The following FMN1 variants were observed in gnomAD, a reference collection of about 807,000 sequenced individuals.
FMN1 encodes formin 1.
In FMN1, 110 loss-of-function variants were observed where a neutral mutation model predicts 132.4. The ratio of observed to expected loss-of-function variants is 0.83; its 90% CI spans 0.71 to 0.97. The LOEUF (loss-of-function observed/expected upper bound fraction) is 0.97. Ranked by LOEUF, FMN1 falls within the 50% of genes least tolerant of loss-of-function variation. FMN1 has a pLI of 0.00. For missense variants in FMN1, 1,792 were observed against 1,705.3 expected (o/e 1.05, Z -0.90); for synonymous variants, 722 against 651.7 (o/e 1.11, Z -1.64).
At chr15:33,110,571 T>G (rs2039662835) in intron 4 of FMN1, among the ~76,000 whole-genome samples, 1 of 152,046 alleles carries the variant, frequency 6.6e-6, no homozygotes, top group Admixed American at 6.6e-5. Flanking sequence ...TTTTTGAGAA[T>G]AGCTATTCTG....
intron 6 of FMN1, among the ~76,000 whole-genome samples, chr15:33,060,389 A>G (rs2037428351): frequency 6.6e-6 from 1 of 152,226 alleles, no homozygotes; most frequent in African/African-American, 2.4e-5. Flanking sequence ...ACTTATCAGG[A>G]AGGGTGGCAA....
Position 32,918,246 on chromosome 15 carries a change from C to G in FMN1, c.3227-7711G>C, listed in dbSNP as rs901609954. 3.3e-5 allele frequency among the ~76,000 whole-genome samples: 5 copies of G among 151,700 alleles called. No homozygotes were observed. The East Asian group carries it at 9.7e-4, about 29-fold the overall frequency. On this transcript the variant is annotated intron_variant, in intron 10 of 20. Coordinates refer to ENST00000616417, the MANE Select transcript of FMN1 (RefSeq NM_001277313.2). ...TACACTGCATGCCAAAACTGACTAA[C>G]AAGGAAAACTAAGGCACACAGCACA...
chr15:32,895,153 G>A (rs374737058), intron 15 of FMN1, among the ~76,000 whole-genome samples: 37 of 152,134 alleles, frequency 2.4e-4, no homozygotes, highest in African/African-American at 7.5e-4. Flanking sequence ...AAGGTTACAC[G>A]TATTTCTAGG....
intron 17 of FMN1, among the ~76,000 whole-genome samples, chr15:32,826,386 G>A (rs1417072885): frequency 6.6e-6 from 1 of 152,146 alleles, no homozygotes; most frequent in African/African-American, 2.4e-5. Flanking sequence ...CGAATTCCCT[G>A]GGGGAAAAAC....
intron 4 of FMN1, among the ~76,000 whole-genome samples, chr15:33,125,599 G>A (rs1343833546): frequency 6.6e-6 from 1 of 152,050 alleles, no homozygotes; most frequent in Non-Finnish European, 1.5e-5. Flanking sequence ...CAGCACTTCG[G>A]AAGGCCAAGG....
At chr15:32,946,039 G>A (rs2061503626) in intron 9 of FMN1, among the ~76,000 whole-genome samples, 1 of 152,182 alleles carries the variant, frequency 6.6e-6, no homozygotes, top group Admixed American at 6.5e-5. Context: ...GGTTCACTGA[G>A]TTCCTTCCAT....
chr15:32,966,487 A>C (rs1172944401), intron 8 of FMN1, among the ~76,000 whole-genome samples: 1 of 151,928 alleles, frequency 6.6e-6, no homozygotes, highest in Non-Finnish European at 1.5e-5. Context: ...AGGCAGGGGG[A>C]GAGAGAGAGA....
intron 7 of FMN1, among the ~76,000 whole-genome samples, chr15:33,006,440 TG>T (rs1412864573): frequency 6.6e-6 from 1 of 152,148 alleles, no homozygotes; most frequent in African/African-American, 2.4e-5. Flanking sequence ...TGCACACTGT[TG>T]GTAGGAATGT....
chr15:32,916,092 T>C (rs1346346815), intron 10 of FMN1, among the ~76,000 whole-genome samples: 1 of 152,190 alleles, frequency 6.6e-6, no homozygotes, highest in African/African-American at 2.4e-5. Flanking sequence ...TAAGATATAA[T>C]AACCGTCAGC....
At position 33,154,232 on chromosome 15, in the gene FMN1, C is replaced by T. The variant is rs1964575125; in HGVS notation, c.683G>A (p.Cys228Tyr). ...GCAGCTCTCTCTCCTCTGCAGGGAGCAGGCAAGTGCCCCATTCGGGAGCAG... is the reference window on the plus strand; with the variant it reads ...GCAGCTCTCTCTCCTCTGCAGGGAGTAGGCAAGTGCCCCATTCGGGAGCAG... The part of the protein sequence containing the change: ...GNLLPNGALA[C>Y]SLQRRESCPP... The change falls in exon 4 of 21, where the codon TGC becomes TAC. Residue 228 changes from cysteine to tyrosine, a missense_variant. Physicochemically the swap from Cys to Tyr is radical, Grantham distance 194 (BLOSUM62 -2). Around this residue, in one of 3 missense-constraint regions of FMN1, gnomAD observed 638 missense variants for 645.2 expected, o/e 0.99. Transcript: ENST00000616417. 6.5e-7 allele frequency: 1 copy of T among 1,536,112 alleles called. No homozygotes were observed. The highest frequency in any genetic ancestry group is 1.2e-5 in the South Asian group (1 of 84,048).
At chr15:33,059,349 T>C (rs187328544) in intron 6 of FMN1, among the ~76,000 whole-genome samples, 114 of 152,370 alleles carry the variant, frequency 7.5e-4, no homozygotes, top group African/African-American at 2.6e-3. Flanking sequence ...AGTTCTACAA[T>C]GAACATGGGA....
intron 6 of FMN1, among the ~76,000 whole-genome samples, chr15:33,037,868 T>A (rs1157197235): frequency 6.6e-6 from 1 of 152,254 alleles, no homozygotes; most frequent in Non-Finnish European, 1.5e-5. Flanking sequence ...CCAAAACTTT[T>A]AATTTTCAGT....
intron 6 of FMN1, among the ~76,000 whole-genome samples, chr15:33,049,790 C>T (rs896781783): frequency 6.6e-6 from 1 of 152,184 alleles, no homozygotes; most frequent in Non-Finnish European, 1.5e-5. Context: ...TAATTAATCC[C>T]GTTGCTTCTG....
intron 17 of FMN1, among the ~76,000 whole-genome samples, chr15:32,851,592 G>A (rs902665996): frequency 3.3e-5 from 5 of 152,090 alleles, no homozygotes; most frequent in African/African-American, 1.2e-4. Flanking sequence ...AAAAAGGCAT[G>A]GATATCATGG....
chr15:32,830,457 G>T (rs935850026), intron 17 of FMN1, among the ~76,000 whole-genome samples: 1 of 152,122 alleles, frequency 6.6e-6, no homozygotes, highest in East Asian at 1.9e-4. Flanking sequence ...TTCACCTCTA[G>T]ATGAATTTGC....
chr15:33,136,787 T>C (rs918374627), intron 4 of FMN1, among the ~76,000 whole-genome samples: 1 of 152,116 alleles, frequency 6.6e-6, no homozygotes, highest in Non-Finnish European at 1.5e-5. Context: ...TAAATAATTT[T>C]TTAAAGTAGA....
At chr15:33,174,264 T>G (rs537939876) in intron 3 of FMN1, among the ~76,000 whole-genome samples, 23 of 152,338 alleles carry the variant, frequency 1.5e-4, no homozygotes, top group African/African-American at 5.1e-4. Context: ...TCATTGAACA[T>G]TTTCAAGTGC....
intron 6 of FMN1, among the ~76,000 whole-genome samples, chr15:33,053,514 G>C (rs1456939398): frequency 6.6e-6 from 1 of 152,174 alleles, no homozygotes; most frequent in Non-Finnish European, 1.5e-5. Flanking sequence ...GGGCCAAGAA[G>C]AATCCTGCTT....
intron 9 of FMN1, among the ~76,000 whole-genome samples, chr15:32,941,785 C>A (rs1478642582): frequency 6.6e-6 from 1 of 152,180 alleles, no homozygotes; most frequent in Non-Finnish European, 1.5e-5. Context: ...TCACCATCCC[C>A]TACACTAAGC....
Sources: gnomAD v4.1 joint callset for allele counts (sites outside exome capture counted in the v4.1 genomes callset) on GRCh38, gnomAD v4.1.1 for gene constraint, gnomAD v4.1.1 regional missense constraint, MANE v1.5 for transcripts, NCBI Gene and HGNC (gene_info 2026-07-23, HGNC 2026-07-21) for gene names.